Variants in MCTP1 observed in about 807,000 individuals in gnomAD.
The protein encoded by MCTP1 is multiple C2 and transmembrane domain-containing protein 1.
In MCTP1, 69 loss-of-function variants were observed where a neutral mutation model predicts 120.6. That is an observed-to-expected ratio of 0.57 (90% CI 0.47 to 0.70). The LOEUF (loss-of-function observed/expected upper bound fraction) is 0.70, where lower values mean the gene tolerates loss of function less well. Ranked by LOEUF, MCTP1 falls within the 30% of genes least tolerant of loss-of-function variation. MCTP1 has a pLI of 0.00. For synonymous variants in MCTP1, 529 were observed against 493.1 expected, an observed-to-expected ratio of 1.07 and a Z score of -0.96; for missense variants, 1,203 against 1,248.8, an observed-to-expected ratio of 0.96 and a Z score of 0.55.
At chr5:94,711,631 G>C (rs1016677439) in intron 20 of MCTP1, among the ~76,000 whole-genome samples, 1 of 151,968 alleles carries the variant, frequency 6.6e-6, no homozygotes, top group African/African-American at 2.4e-5. Context: ...AATTGGTAAC[G>C]TAGAGGACTG....
chr5:94,961,677 C>T (rs975096501), intron 2 of MCTP1, among the ~76,000 whole-genome samples: 2 of 152,142 alleles, frequency 1.3e-5, no homozygotes, highest in Non-Finnish European at 2.9e-5. Context: ...GAGAAGGTAA[C>T]TTAGTGATGG....
chr5:94,868,517 A>T, intron 16 of MCTP1, 65 bp from the exon 17 acceptor site: 1 of 1,262,516 alleles, frequency 7.9e-7, no homozygotes, highest in Non-Finnish European at 1.1e-6. Flanking sequence ...ATACTGCAAA[A>T]TTCTTCAAGC....
chr5:94,760,787 G>T (rs937709493), intron 19 of MCTP1, among the ~76,000 whole-genome samples: 34 of 151,988 alleles, frequency 2.2e-4, no homozygotes, highest in Admixed American at 1.2e-3. Context: ...CCAGGCTCAA[G>T]TGATCCTCCT....
intron 2 of MCTP1, among the ~76,000 whole-genome samples, chr5:95,008,724 A>G (rs533447837): frequency 6.6e-6 from 1 of 152,252 alleles, no homozygotes; most frequent in East Asian, 1.9e-4. Flanking sequence ...CCTAAATCTA[A>G]TGACTGGTGT....
chr5:94,730,349 G>C (rs1387215207), intron 19 of MCTP1, among the ~76,000 whole-genome samples: 2 of 152,100 alleles, frequency 1.3e-5, no homozygotes, highest in Non-Finnish European at 2.9e-5. Context: ...TGTAGACATG[G>C]GGTCTTGCCA....
intron 1 of MCTP1, among the ~76,000 whole-genome samples, chr5:95,164,904 A>T (rs1396206100): frequency 6.6e-6 from 1 of 152,106 alleles, no homozygotes; most frequent in East Asian, 1.9e-4. Context: ...TCATTCAAGA[A>T]CCCAAACTCC....
At chr5:94,896,118 C>T (rs1322523728) in intron 10 of MCTP1, among the ~76,000 whole-genome samples, 1 of 152,118 alleles carries the variant, frequency 6.6e-6, no homozygotes, top group Non-Finnish European at 1.5e-5. Flanking sequence ...TCCCTTATCT[C>T]ATATTTAAAT....
Position 95,228,951 on chromosome 5 carries a change from A to C in MCTP1, c.720+54905T>G, listed in dbSNP as rs140368430. Among the ~76,000 whole-genome samples, 10 of 152,314 alleles carry C rather than the reference A, an allele frequency of 6.6e-5. No homozygotes were observed. In the East Asian group the frequency reaches 1.7e-3, roughly 26 times the overall value. On this transcript the variant is annotated intron_variant, in intron 1 of 22. Coordinates refer to ENST00000515393, the MANE Select transcript of MCTP1 (RefSeq NM_024717.7). ...CAGCGTGAAGAACTGTGAGCCAATT[A>C]AGCCTCTTTTGTTTATAAATTACCC...
At chr5:95,130,913 G>T (rs1180505260) in intron 1 of MCTP1, among the ~76,000 whole-genome samples, 1 of 152,188 alleles carries the variant, frequency 6.6e-6, no homozygotes, top group African/African-American at 2.4e-5. Flanking sequence ...TTCAGGGTAA[G>T]AATTATTCAA....
At chr5:95,282,206 A>T (rs1490508744) in intron 1 of MCTP1, among the ~76,000 whole-genome samples, 1 of 152,192 alleles carries the variant, frequency 6.6e-6, no homozygotes, top group African/African-American at 2.4e-5. Flanking sequence ...ATACTTACAT[A>T]GTAGTGTTTT....
At chr5:94,846,832 T>A (rs2153220736) in intron 17 of MCTP1, among the ~76,000 whole-genome samples, 1 of 152,102 alleles carries the variant, frequency 6.6e-6, no homozygotes, top group East Asian at 1.9e-4. Context: ...TGTGTGTGTG[T>A]GTGTGTGTGT....
intron 4 of MCTP1, among the ~76,000 whole-genome samples, chr5:94,940,561 CAAAT>C (rs1817361303): frequency 1.0e-5 from 1 of 98,878 alleles, no homozygotes; most frequent in Non-Finnish European, 2.0e-5. Context: ...CACACACACG[CAAAT>C]ATATATATAT....
intron 17 of MCTP1, among the ~76,000 whole-genome samples, chr5:94,813,636 C>T (rs1783892442): frequency 6.6e-6 from 1 of 152,034 alleles, no homozygotes; most frequent in African/African-American, 2.4e-5. Context: ...AAGAAGATAC[C>T]TGTAATCCCA....
At chr5:95,120,968 TAAAC>T in intron 1 of MCTP1, among the ~76,000 whole-genome samples, 1 of 152,216 alleles carries the variant, frequency 6.6e-6, no homozygotes, top group East Asian at 1.9e-4. Flanking sequence ...TTAGAACTGA[TAAAC>T]AAATTAGGTA....
chr5:95,273,468 T>C (rs1759570098), intron 1 of MCTP1, among the ~76,000 whole-genome samples: 1 of 152,174 alleles, frequency 6.6e-6, no homozygotes, highest in Admixed American at 6.5e-5. Flanking sequence ...ATTATAACTA[T>C]TTCTCCAAAT....
chr5:94,968,011 A>T (rs564420928), intron 2 of MCTP1, among the ~76,000 whole-genome samples: 1 of 152,248 alleles, frequency 6.6e-6, no homozygotes, highest in East Asian at 1.9e-4. Context: ...AACTTAGGGG[A>T]CTTTTAGTGA....
chr5:94,784,099 C>T lies in MCTP1; in HGVS notation c.2557-4936G>A, dbSNP rs375814381. ...ATGTTAAAATATTAAAGAAAACTGA[C>T]ACAAAAGAAAGAAGTTTCATATTTA... On this transcript the variant is annotated intron_variant, in intron 18 of 22. Coordinates refer to ENST00000515393, the MANE Select transcript of MCTP1 (RefSeq NM_024717.7). Among the ~76,000 whole-genome samples the T allele has an allele frequency of 1.1e-4, 17 of 152,140 alleles. No individual in the cohort carries two copies. In the South Asian group the frequency reaches 2.1e-3, roughly 19 times the overall value.
At chr5:94,765,245 C>T (rs1035589009) in intron 19 of MCTP1, among the ~76,000 whole-genome samples, 2 of 152,074 alleles carry the variant, frequency 1.3e-5, no homozygotes, top group African/African-American at 4.8e-5. Context: ...ATAGCAAAAG[C>T]AGTGCTACGA....
intron 2 of MCTP1, among the ~76,000 whole-genome samples, chr5:94,963,971 A>G (rs1249092338): frequency 1.3e-5 from 2 of 152,058 alleles, no homozygotes; most frequent in African/African-American, 2.4e-5. Context: ...TCTTTAATCT[A>G]TTTTGAATTG....
Sources: allele counts gnomAD v4.1 joint callset (sites outside exome capture counted in the v4.1 genomes callset), GRCh38; gene constraint gnomAD v4.1.1; transcripts MANE v1.5; gene names NCBI Gene and HGNC (gene_info 2026-07-23, HGNC 2026-07-21).